The following CLYBL variants were observed in gnomAD, a reference collection of about 807,000 sequenced individuals.
CLYBL encodes the protein citramalyl-CoA lyase, mitochondrial.
Under a neutral mutation model 38.9 loss-of-function variants are expected in CLYBL, and 31 were observed. The ratio of observed to expected loss-of-function variants is 0.80; its 90% CI spans 0.60 to 1.08. The LOEUF (loss-of-function observed/expected upper bound fraction) is 1.08. Among genes scored for constraint, CLYBL ranks in the 50% least tolerant of loss-of-function variants. CLYBL has a pLI of 0.00. For synonymous variants in CLYBL, 171 were observed against 158.6 expected, an observed-to-expected ratio of 1.08 and a Z score of -0.59; for missense variants, 434 against 411.6, an observed-to-expected ratio of 1.05 and a Z score of -0.47.
intron 2 of CLYBL, among the ~76,000 whole-genome samples, chr13:99,833,730 G>A (rs994698059): frequency 1.6e-5 from 2 of 121,562 alleles, no homozygotes; most frequent in South Asian, 2.8e-4. Context: ...TCACTCTGTC[G>A]CCAGGCTAGA....
At chr13:99,621,058 A>G (rs1184806802) in intron 1 of CLYBL, among the ~76,000 whole-genome samples, 18 of 152,122 alleles carry the variant, frequency 1.2e-4, no homozygotes, top group Non-Finnish European at 2.6e-4. Flanking sequence ...GGAATTTACC[A>G]GGTAATCTGG....
rs941296020 is a variant in CLYBL, at chr13:99,673,936, C to T, written c.62+67179C>T. 4.3e-4 allele frequency among the ~76,000 whole-genome samples: 66 copies of T among 151,968 alleles called. 1 individual carries two copies. Among genetic ancestry groups the T allele is most frequent in the African/African-American group, 1.3e-3 (52 of 41,450 alleles). On this transcript the variant is annotated intron_variant, in intron 1 of 8. Transcript: ENST00000339105. ...AGATTTCCTGGTGGGTTGAGTGTTTCTCAGTTGGAAATAAAAGAGGAGTCA... is the reference window on the plus strand; with the variant it reads ...AGATTTCCTGGTGGGTTGAGTGTTTTTCAGTTGGAAATAAAAGAGGAGTCA...
intron 1 of CLYBL, among the ~76,000 whole-genome samples, chr13:99,725,983 G>A (rs919508005): frequency 6.6e-6 from 1 of 152,130 alleles, no homozygotes; most frequent in African/African-American, 2.4e-5. Context: ...TCCAGTTGAA[G>A]CATCTGTTTT....
At chr13:99,701,658 C>CTTAT (rs145880554) in intron 1 of CLYBL, among the ~76,000 whole-genome samples, 71 of 151,740 alleles carry the variant, frequency 4.7e-4, no homozygotes, top group Middle Eastern at 6.8e-3. Flanking sequence ...AGTATCACTT[C>CTTAT]TTATTTATTT....
intron 2 of CLYBL, among the ~76,000 whole-genome samples, chr13:99,794,421 A>C (rs2049980413): frequency 6.6e-6 from 1 of 152,170 alleles, no homozygotes; most frequent in Admixed American, 6.5e-5. Context: ...ACTCCATCTC[A>C]AGAAAAAAGA....
downstream of CLYBL, among the ~76,000 whole-genome samples, chr13:99,900,953 G>T (rs1212983053): frequency 1.3e-5 from 2 of 152,184 alleles, no homozygotes; most frequent in African/African-American, 4.8e-5. Context: ...ACACCTTGAT[G>T]TCCCCCGGCC....
intron 7 of CLYBL, among the ~76,000 whole-genome samples, chr13:99,875,110 A>G (rs2052004280): frequency 6.6e-6 from 1 of 152,172 alleles, no homozygotes; most frequent in African/African-American, 2.4e-5. Context: ...TAGCTTCACA[A>G]GTTGGCTAAA....
At chr13:99,720,093 TA>T (rs1211227624) in intron 1 of CLYBL, among the ~76,000 whole-genome samples, 5 of 149,452 alleles carry the variant, frequency 3.3e-5, no homozygotes, top group Non-Finnish European at 5.9e-5. Context: ...TAGTTCTCTT[TA>T]TTTTTTTTAA....
intron 1 of CLYBL, among the ~76,000 whole-genome samples, chr13:99,664,122 C>T (rs1234038589): frequency 6.6e-6 from 1 of 152,214 alleles, no homozygotes; most frequent in African/African-American, 2.4e-5. Context: ...TGACCGCTGA[C>T]ATTTACCAAG....
chr13:99,891,208 C>A, intron 7 of CLYBL, 110 bp from the exon 8 acceptor site: 1 of 779,872 alleles, frequency 1.3e-6, no homozygotes, highest in Non-Finnish European at 2.1e-6. Flanking sequence ...GCGGGAAAGT[C>A]AGTATAATTC....
chr13:99,709,568 A>G (rs1488952011), intron 1 of CLYBL, among the ~76,000 whole-genome samples: 1 of 152,242 alleles, frequency 6.6e-6, no homozygotes, highest in Non-Finnish European at 1.5e-5. Flanking sequence ...GAGGTGCTCC[A>G]GAAGTTCCCT....
chr13:99,803,245 T>C lies in CLYBL; in HGVS notation c.249+30235T>C, dbSNP rs372706555. ...AGAGAAGGCCATGGCAAATCAGTCTTTCCTTTCTGCTAACAATGACAAAAG... is the reference window on the plus strand; with the variant it reads ...AGAGAAGGCCATGGCAAATCAGTCTCTCCTTTCTGCTAACAATGACAAAAG... On this transcript the variant is annotated intron_variant, in intron 2 of 8. Coordinates refer to ENST00000339105, the MANE Select transcript of CLYBL (RefSeq NM_206808.5). 6.8e-4 allele frequency among the ~76,000 whole-genome samples: 103 copies of C among 152,318 alleles called. No homozygotes were observed. The South Asian group carries it at 0.021, about 31-fold the overall frequency.
chr13:99,823,532 AT>A (rs2050627294), intron 2 of CLYBL, among the ~76,000 whole-genome samples: 1 of 152,216 alleles, frequency 6.6e-6, no homozygotes, highest in Non-Finnish European at 1.5e-5. Flanking sequence ...CTAAAATGTC[AT>A]ATAATTGGAA....
At chr13:99,856,069 T>C (rs2051451683) in intron 2 of CLYBL, among the ~76,000 whole-genome samples, 1 of 152,206 alleles carries the variant, frequency 6.6e-6, no homozygotes, top group South Asian at 2.1e-4. Flanking sequence ...AAAGTACTAA[T>C]CAGATTATGC....
chr13:99,736,581 A>G (rs533609448), intron 1 of CLYBL, among the ~76,000 whole-genome samples: 1 of 152,222 alleles, frequency 6.6e-6, no homozygotes, highest in East Asian at 1.9e-4. Flanking sequence ...AATATGCATG[A>G]CATTTTCAAG....
intron 1 of CLYBL, among the ~76,000 whole-genome samples, chr13:99,697,477 A>G (rs1030253215): frequency 1.3e-5 from 2 of 152,022 alleles, no homozygotes; most frequent in African/African-American, 4.8e-5. Context: ...CCCAGGTTCA[A>G]GTGATTCTCC....
At chr13:99,828,607 G>T (rs566775439) in intron 2 of CLYBL, among the ~76,000 whole-genome samples, 1 of 152,132 alleles carries the variant, frequency 6.6e-6, no homozygotes, top group African/African-American at 2.4e-5. Flanking sequence ...GGGGAGCAGG[G>T]TTTTCTCTTC....
intron 6 of CLYBL, among the ~76,000 whole-genome samples, chr13:99,867,773 G>C (rs1458935886): frequency 1.3e-5 from 2 of 152,030 alleles, no homozygotes; most frequent in Middle Eastern, 6.3e-3. Context: ...CTGCCAGGTG[G>C]CCAGATGTTG....
At chr13:99,742,486 C>G (rs1322982131) in intron 1 of CLYBL, among the ~76,000 whole-genome samples, 1 of 152,208 alleles carries the variant, frequency 6.6e-6, no homozygotes, top group Non-Finnish European at 1.5e-5. Flanking sequence ...TCAATGATGG[C>G]TCTTCATTCT....
Sources: gnomAD v4.1 joint callset for allele counts (sites outside exome capture counted in the v4.1 genomes callset) on GRCh38, gnomAD v4.1.1 for gene constraint, MANE v1.5 for transcripts, NCBI Gene and HGNC (gene_info 2026-07-23, HGNC 2026-07-21) for gene names.